Variants in HHLA2 observed in about 807,000 individuals in gnomAD.
HHLA2 encodes HHLA2 member of B7 family, also known as HERV-H LTR-associating protein 2.
A neutral mutation model predicts 45.9 loss-of-function variants in HHLA2; 48 were observed. The ratio of observed to expected loss-of-function variants is 1.05; its 90% confidence interval spans 0.83 to 1.33. HHLA2 has a LOEUF of 1.33. HHLA2 is among the 40% of genes most tolerant of loss of function. The pLI, the probability that HHLA2 is intolerant of heterozygous loss-of-function variation, is 0.00. For synonymous variants in HHLA2, 161 were observed against 173.9 expected, an observed-to-expected ratio of 0.93 and a Z score of 0.59; for missense variants, 462 against 494.3, an observed-to-expected ratio of 0.93 and a Z score of 0.62.
At chr3:108,358,882 A>G (rs62266243) in intron 7 of HHLA2, among the ~76,000 whole-genome samples, 12,332 of 152,210 alleles carry the variant, frequency 0.081, 655 homozygotes, top group African/African-American at 0.15. Context: ...CAATTGTGAA[A>G]ATTAGGAGGA....
chr3:108,317,064 G>C (rs1008301439), intron 2 of HHLA2, among the ~76,000 whole-genome samples: 1 of 152,200 alleles, frequency 6.6e-6, no homozygotes, highest in Non-Finnish European at 1.5e-5. Flanking sequence ...GGCTCATGGG[G>C]TAAATAGAAA....
At chr3:108,299,167 A>G (rs1373635470) in intron 1 of HHLA2, among the ~76,000 whole-genome samples, 1 of 152,158 alleles carries the variant, frequency 6.6e-6, no homozygotes, top group Non-Finnish European at 1.5e-5. Context: ...AACTTTGATA[A>G]TATTTCTATT....
At chr3:108,366,977 G>A (rs530360853) in intron 8 of HHLA2, among the ~76,000 whole-genome samples, 8 of 152,188 alleles carry the variant, frequency 5.3e-5, no homozygotes, top group Non-Finnish European at 5.9e-5. Flanking sequence ...TCAGGCTGGT[G>A]CCCCTCTGGG....
chr3:108,305,257 A>G (rs147809523), intron 1 of HHLA2, among the ~76,000 whole-genome samples: 1 of 152,342 alleles, frequency 6.6e-6, no homozygotes, highest in African/African-American at 2.4e-5. Context: ...GTGAGAGAGA[A>G]GGAAAGCGGA....
At chr3:108,316,147 G>A (rs1299230869) in intron 2 of HHLA2, among the ~76,000 whole-genome samples, 1 of 150,912 alleles carries the variant, frequency 6.6e-6, no homozygotes, top group African/African-American at 2.4e-5. Context: ...AGCCGGAAAA[G>A]TCAACACAGT....
chr3:108,317,649 A>G (rs1204038520), intron 2 of HHLA2, among the ~76,000 whole-genome samples: 1 of 148,632 alleles, frequency 6.7e-6, no homozygotes, highest in South Asian at 2.1e-4. Context: ...TTCTTGGCTC[A>G]CTGCAACCTC....
chr3:108,341,283 C>G (rs2081567465), intron 3 of HHLA2, among the ~76,000 whole-genome samples: 1 of 152,088 alleles, frequency 6.6e-6, no homozygotes, highest in Non-Finnish European at 1.5e-5. Flanking sequence ...AAAGAAAATT[C>G]CCACATTTGC....
intron 1 of HHLA2, among the ~76,000 whole-genome samples, chr3:108,307,289 A>G (rs1377868339): frequency 6.6e-6 from 1 of 152,148 alleles, no homozygotes; most frequent in Non-Finnish European, 1.5e-5. Flanking sequence ...AGTAATAACC[A>G]TTTTTATGTT....
chr3:108,314,951 T>A (rs2081078277), intron 2 of HHLA2, among the ~76,000 whole-genome samples: 1 of 152,220 alleles, frequency 6.6e-6, no homozygotes, highest in Non-Finnish European at 1.5e-5. Flanking sequence ...ATTGGGATTT[T>A]TTCCCCTACT....
chr3:108,375,913 C>T, intron 9 of HHLA2, 113 bp downstream of exon 8: 1 of 1,371,266 alleles, frequency 7.3e-7, no homozygotes, highest in Non-Finnish European at 9.8e-7. Context: ...AGATATATTC[C>T]ATACTTCTGC....
At chr3:108,366,583 T>C (rs1250118861) in intron 8 of HHLA2, among the ~76,000 whole-genome samples, 1 of 152,236 alleles carries the variant, frequency 6.6e-6, no homozygotes, top group Non-Finnish European at 1.5e-5. Flanking sequence ...TCTGGTAGAA[T>C]TCGGCTGTGA....
At chr3:108,359,617 T>C (rs941961869) in intron 7 of HHLA2, among the ~76,000 whole-genome samples, 3 of 152,206 alleles carry the variant, frequency 2.0e-5, no homozygotes, top group African/African-American at 7.2e-5. Flanking sequence ...TGAATCAATA[T>C]GTGACCTTGG....
rs148199177 is a variant in HHLA2, at chr3:108,298,244, A to G, written c.-192+1645A>G. Among the ~76,000 whole-genome samples, 678 of 152,242 alleles carry G rather than the reference A, an allele frequency of 4.5e-3. 2 individuals are homozygous for G. Among genetic ancestry groups the G allele is most frequent in the African/African-American group, 0.016 (650 of 41,548 alleles). On this transcript the variant is annotated intron_variant, in intron 1 of 10. Transcript: ENST00000619531. The stretch of plus-strand genomic sequence containing the variant: ...TGAGACTAGCTATTAGGTATTCCCT[A>G]TCTAGGACTCTGACCTGACTCTCCT...
intron 2 of HHLA2, among the ~76,000 whole-genome samples, chr3:108,327,752 T>C (rs564465846): frequency 1.1e-4 from 17 of 152,206 alleles, no homozygotes; most frequent in Non-Finnish European, 1.9e-4. Context: ...CTGAAGTGCA[T>C]GCGAGTTTTA....
At chr3:108,342,788 A>G (rs1299291805) in intron 3 of HHLA2, among the ~76,000 whole-genome samples, 1 of 152,164 alleles carries the variant, frequency 6.6e-6, no homozygotes, top group Non-Finnish European at 1.5e-5. Context: ...TTGTCTGTCC[A>G]GAATAACCTT....
At position 108,339,117 on chromosome 3, in the gene HHLA2, C is replaced by G. The variant is rs527982152; in HGVS notation, c.-27+10770C>G. 7.2e-5 allele frequency among the ~76,000 whole-genome samples: 11 copies of G among 152,298 alleles called. No individual in the cohort carries two copies. In the South Asian group the frequency reaches 2.3e-3, roughly 32 times the overall value. ...GACAAATGATTTTGGAGTTGTTGCACTAACTTCTGATGTGATACAGGTCTA... is the reference window on the plus strand; with the variant it reads ...GACAAATGATTTTGGAGTTGTTGCAGTAACTTCTGATGTGATACAGGTCTA... On this transcript the variant is annotated intron_variant, in intron 3 of 10. Transcript: ENST00000619531.
At chr3:108,373,343 G>C (rs1027115813) in intron 8 of HHLA2, among the ~76,000 whole-genome samples, 15 of 152,092 alleles carry the variant, frequency 9.9e-5, no homozygotes, top group African/African-American at 3.1e-4. Context: ...AATAATAAGA[G>C]CTATCTGTGA....
chr3:108,296,826 G>A (rs1231099785), intron 1 of HHLA2, among the ~76,000 whole-genome samples: 1 of 152,140 alleles, frequency 6.6e-6, no homozygotes, highest in Non-Finnish European at 1.5e-5. Flanking sequence ...TCAAATAAAA[G>A]AACTTAGCAA....
At chr3:108,371,928 G>C (rs565367984) in intron 8 of HHLA2, among the ~76,000 whole-genome samples, 1 of 152,134 alleles carries the variant, frequency 6.6e-6, no homozygotes, top group Non-Finnish European at 1.5e-5. Flanking sequence ...GAGACAGAAA[G>C]TTAACAAGGA....
Sources: gnomAD v4.1 joint callset for allele counts (sites outside exome capture counted in the v4.1 genomes callset) on GRCh38, gnomAD v4.1.1 for gene constraint, MANE v1.5 for transcripts, NCBI Gene and HGNC (gene_info 2026-07-23, HGNC 2026-07-21) for gene names.